The following OPA1 variants were observed in gnomAD, a reference collection of about 807,000 sequenced individuals.
OPA1 encodes the protein dynamin-like GTPase OPA1, mitochondrial.
OPA1 carries 59 observed loss-of-function variants against 152.9 expected under a neutral mutation model. The ratio of observed to expected loss-of-function variants is 0.39; its 90% CI spans 0.31 to 0.48. The LOEUF is 0.48. OPA1 is among the 20% of genes least tolerant of loss of function. The probability of loss-of-function intolerance (pLI) is 0.96; values close to 1 mark genes in which losing one functional copy is unlikely to be tolerated. For missense variants in OPA1, 1,008 were observed against 1,216.8 expected, an observed-to-expected ratio of 0.83 and a Z score of 2.55; for synonymous variants, 400 against 389.9, an observed-to-expected ratio of 1.03 and a Z score of -0.31.
chr3:193,640,446 A>G (rs1733611999), intron 11 of OPA1, among the ~76,000 whole-genome samples: 1 of 152,236 alleles, frequency 6.6e-6, no homozygotes, highest in Non-Finnish European at 1.5e-5. Context: ...AGGTGAACAT[A>G]GAAACCAGTC....
chr3:193,658,857 G>A (rs376257485), intron 23 of OPA1, 30 bp from the exon 24 acceptor site: 1 of 1,484,744 alleles, frequency 6.7e-7, no homozygotes. Flanking sequence ...TGTAAAACAA[G>A]TTGGCTTTTT....
chr3:193,674,283 A>G (rs961632977), intron 29 of OPA1, among the ~76,000 whole-genome samples: 2 of 152,216 alleles, frequency 1.3e-5, no homozygotes, highest in Non-Finnish European at 2.9e-5. Context: ...TTAGGTCTGC[A>G]TGAGATTCTA....
At chr3:193,652,864 A>G (rs1382293447) in intron 21 of OPA1, among the ~76,000 whole-genome samples, 5 of 152,144 alleles carry the variant, frequency 3.3e-5, no homozygotes, top group Non-Finnish European at 4.4e-5. Context: ...CAAAGCAGCA[A>G]CCTCCCTTGA....
intron 29 of OPA1, among the ~76,000 whole-genome samples, chr3:193,675,327 GA>G (rs988338349): frequency 0.013 from 808 of 63,406 alleles, 8 homozygotes; most frequent in African/African-American, 0.038. Context: ...TTTTTTTTAA[GA>G]AAAAAAAAAA....
intron 25 of OPA1, 28 bp downstream of exon 25, chr3:193,659,589 T>C (rs376640992): frequency 7.5e-5 from 117 of 1,569,794 alleles, no homozygotes; most frequent in Non-Finnish European, 5.4e-5. Flanking sequence ...TCTAGTCTTA[T>C]GATGATATAA....
intron 11 of OPA1, among the ~76,000 whole-genome samples, chr3:193,638,923 G>A (rs934473713): frequency 6.6e-5 from 10 of 152,304 alleles, no homozygotes; most frequent in African/African-American, 2.4e-4. Flanking sequence ...TGCTGCAGCT[G>A]CAAGCGGTGC....
At chr3:193,660,025 G>A (rs1714864485) in intron 25 of OPA1, among the ~76,000 whole-genome samples, 2 of 152,106 alleles carry the variant, frequency 1.3e-5, no homozygotes, top group African/African-American at 4.8e-5. Flanking sequence ...GCGCATACCT[G>A]TTATCCCAGC....
At chr3:193,663,298 G>A (rs574319960) in intron 26 of OPA1, among the ~76,000 whole-genome samples, 2 of 152,188 alleles carry the variant, frequency 1.3e-5, no homozygotes, top group Non-Finnish European at 2.9e-5. Flanking sequence ...TAGAATTTCT[G>A]TTTAAAAATG....
At chr3:193,675,337 A>AG (rs770612974) in intron 29 of OPA1, among the ~76,000 whole-genome samples, 2 of 123,120 alleles carry the variant, frequency 1.6e-5, no homozygotes, top group Non-Finnish European at 3.5e-5. Flanking sequence ...GAAAAAAAAA[A>AG]AAAAAAAAAA....
At chr3:193,601,929 G>A (rs1249812558) in intron 1 of OPA1, among the ~76,000 whole-genome samples, 5 of 152,236 alleles carry the variant, frequency 3.3e-5, no homozygotes, top group Non-Finnish European at 5.9e-5. Context: ...TGATTTTTTG[G>A]CATTAGCCCA....
intron 1 of OPA1, among the ~76,000 whole-genome samples, chr3:193,608,941 C>G (rs926003172): frequency 1.3e-5 from 2 of 151,856 alleles, no homozygotes; most frequent in African/African-American, 4.8e-5. Flanking sequence ...TGAATTGATC[C>G]CTTTACCATT....
At chr3:193,675,744 G>A (rs561941890) in intron 29 of OPA1, among the ~76,000 whole-genome samples, 4 of 152,124 alleles carry the variant, frequency 2.6e-5, no homozygotes, top group South Asian at 2.1e-4. Context: ...TGTCTATCAC[G>A]GTCGATCCCT....
At chr3:193,689,584 G>C (rs555962596) in intron 29 of OPA1, among the ~76,000 whole-genome samples, 1 of 152,182 alleles carries the variant, frequency 6.6e-6, no homozygotes, top group East Asian at 1.9e-4. Flanking sequence ...CCTGCATCAG[G>C]GTGGCTCTTG....
At chr3:193,596,455 G>A (rs1046698153) in intron 1 of OPA1, among the ~76,000 whole-genome samples, 1 of 136,212 alleles carries the variant, frequency 7.3e-6, no homozygotes, top group African/African-American at 2.8e-5. Context: ...GTCCAGGCTG[G>A]CCTCGAACTC....
intron 29 of OPA1, among the ~76,000 whole-genome samples, chr3:193,687,777 A>G (rs890093861): frequency 6.6e-6 from 1 of 152,228 alleles, no homozygotes; most frequent in Admixed American, 6.5e-5. Context: ...AAAATGAATG[A>G]ATTTATGAGA....
At chr3:193,603,116 C>T (rs1560310462) in intron 1 of OPA1, among the ~76,000 whole-genome samples, 1 of 152,130 alleles carries the variant, frequency 6.6e-6, no homozygotes, top group East Asian at 1.9e-4. Context: ...GTCACCCCAC[C>T]AGTATTTTTT....
At chr3:193,685,742 CAATA>C (rs1271888054) in intron 29 of OPA1, among the ~76,000 whole-genome samples, 3 of 151,446 alleles carry the variant, frequency 2.0e-5, no homozygotes, top group Non-Finnish European at 4.4e-5. Flanking sequence ...GATTAATATC[CAATA>C]AATAAAAAGA....
At chr3:193,688,811 A>G (rs1053889879) in intron 29 of OPA1, among the ~76,000 whole-genome samples, 5 of 151,886 alleles carry the variant, frequency 3.3e-5, no homozygotes, top group Admixed American at 1.3e-4. Context: ...TGAGACCCCC[A>G]TCTTGACAAA....
intron 28 of OPA1, among the ~76,000 whole-genome samples, chr3:193,666,896 T>G (rs1716684598): frequency 6.6e-6 from 1 of 152,204 alleles, no homozygotes; most frequent in African/African-American, 2.4e-5. Context: ...CATGAAACTC[T>G]GTTGGGAATG....
Sources: gnomAD v4.1 joint callset for allele counts (sites outside exome capture counted in the v4.1 genomes callset) on GRCh38, gnomAD v4.1.1 for gene constraint, MANE v1.5 for transcripts, NCBI Gene and HGNC (gene_info 2026-07-23, HGNC 2026-07-21) for gene names.